SMIM23: variants seen among roughly 807,000 people sequenced by gnomAD.
SMIM23 encodes small integral membrane protein 23, also known as CTB-78H18.1.
SMIM23 carries 10 observed loss-of-function variants against 12.8 expected under a neutral mutation model. The observed-to-expected ratio is 0.78, with a 90% CI of 0.48 to 1.32. The LOEUF is 1.32. Ranked by LOEUF, SMIM23 falls within the 40% of genes most tolerant of loss-of-function variation. The probability of loss-of-function intolerance (pLI) is 0.00; values close to 1 mark genes in which losing one functional copy is unlikely to be tolerated. For missense variants in SMIM23, 184 were observed against 198.2 expected, an observed-to-expected ratio of 0.93 and a Z score of 0.43; for synonymous variants, 78 against 80.1, an observed-to-expected ratio of 0.97 and a Z score of 0.14.
chr5:171,778,990 C>T (rs1265016802), upstream of SMIM23, among the ~76,000 whole-genome samples: 8 of 152,286 alleles, frequency 5.3e-5, no homozygotes, highest in South Asian at 1.2e-3. Flanking sequence ...TTTAGTTAGC[C>T]ATAGGGGCTT....
chr5:171,786,400 A>C (rs372876335), intron 1 of SMIM23, among the ~76,000 whole-genome samples: 2 of 152,190 alleles, frequency 1.3e-5, no homozygotes, highest in East Asian at 3.8e-4. Flanking sequence ...CTTGCTGCAC[A>C]CAGCCTGGTG....
At chr5:171,790,341 T>C in intron 2 of SMIM23, 60 bp downstream of exon 2, 1 of 1,525,334 alleles carries the variant, frequency 6.6e-7, no homozygotes, top group Non-Finnish European at 8.8e-7. Context: ...TGGTGGAGTG[T>C]TCCAAAGATG....
At chr5:171,789,784 A>AGGAG (rs1411595889) in intron 1 of SMIM23, among the ~76,000 whole-genome samples, 2 of 152,240 alleles carry the variant, frequency 1.3e-5, no homozygotes, top group African/African-American at 2.4e-5. Context: ...CAGGCAGGGC[A>AGGAG]GGAGTGAGGA....
chr5:171,777,553 T>C (rs1755662371), upstream of SMIM23, among the ~76,000 whole-genome samples: 1 of 152,204 alleles, frequency 6.6e-6, no homozygotes, highest in South Asian at 2.1e-4. Context: ...CAGCCTCTGC[T>C]TGCCACAGTG....
the SMIM23 span, among the ~76,000 whole-genome samples, chr5:171,776,246 T>A: frequency 7.7e-6 from 1 of 130,696 alleles, no homozygotes; most frequent in African/African-American, 2.8e-5. Flanking sequence ...CAGCCCACGG[T>A]CTCACAGTGA....
chr5:171,773,897 G>A, the SMIM23 span: 1 of 454,126 alleles, frequency 2.2e-6, no homozygotes, highest in South Asian at 1.6e-5. Flanking sequence ...GATGGATAAA[G>A]AGACATCCCT....
chr5:171,778,134 C>T (rs1045915937), upstream of SMIM23, among the ~76,000 whole-genome samples: 7 of 152,100 alleles, frequency 4.6e-5, no homozygotes, highest in African/African-American at 7.2e-5. Flanking sequence ...CCGAGGCGGG[C>T]GGATCACCCA....
At chr5:171,782,614 C>T (rs1379475800), upstream of SMIM23, 1 of 152,204 alleles carries the variant, frequency 6.6e-6, no homozygotes, top group Non-Finnish European at 1.5e-5. Flanking sequence ...TTCTTCAAAA[C>T]GTAAAAATCA....
upstream of SMIM23, among the ~76,000 whole-genome samples, chr5:171,782,145 A>G (rs1459841324): frequency 1.3e-5 from 2 of 152,230 alleles, no homozygotes; most frequent in Non-Finnish European, 2.9e-5. Context: ...AAGAGCTGTA[A>G]CACTCACCGT....
intron 2 of SMIM23, 58 bp from the exon 3 acceptor site, chr5:171,790,424 T>C (rs1471366178): frequency 3.1e-5 from 48 of 1,525,038 alleles, no homozygotes; most frequent in Non-Finnish European, 3.6e-5. Context: ...TAACTAACCA[T>C]GTTTATTTCA....
chr5:171,782,601 G>A (rs376524694), upstream of SMIM23: 9 of 152,118 alleles, frequency 5.9e-5, no homozygotes, highest in East Asian at 1.9e-4. Context: ...CCCGGACCTC[G>A]GCTTCTTCAA....
At chr5:171,782,645 C>T (rs1052877803), upstream of SMIM23, 1 of 152,194 alleles carries the variant, frequency 6.6e-6, no homozygotes, top group Non-Finnish European at 1.5e-5. Context: ...TTTACTCATT[C>T]GGCAAATATT....
intron 1 of SMIM23, among the ~76,000 whole-genome samples, chr5:171,788,667 T>G (rs944280380): frequency 1.9e-4 from 29 of 152,264 alleles, no homozygotes; most frequent in Admixed American, 7.8e-4. Flanking sequence ...GAAGAAATAG[T>G]CTTAATAACT....
At position 171,790,220 on chromosome 5, in the gene SMIM23, T is replaced by C. The variant is rs1755896248; in HGVS notation, c.106-10T>C. 1.3e-6 allele frequency: 2 copies of C among 1,536,026 alleles called. No homozygotes were observed. On this transcript the variant is annotated splice_polypyrimidine_tract_variant and intron_variant, in intron 1 of 3. Coordinates refer to ENST00000523047, the MANE Select transcript of SMIM23 (RefSeq NM_001289970.2). ...ATGTTCTTCCTCCTCTTCCTCTTCT[T>C]GCACCCTAGACGCTGTTGGCATTGC...
intron 1 of SMIM23, among the ~76,000 whole-genome samples, chr5:171,787,355 AG>A (rs1338174023): frequency 6.6e-6 from 1 of 152,154 alleles, no homozygotes; most frequent in Non-Finnish European, 1.5e-5. Context: ...TCCATTTTAC[AG>A]ATGAAGAAAC....
the SMIM23 span, among the ~76,000 whole-genome samples, chr5:171,777,108 T>C: frequency 6.6e-6 from 1 of 152,150 alleles, no homozygotes; most frequent in East Asian, 1.9e-4. Flanking sequence ...TGGACATATT[T>C]TTCATTTTTC....
chr5:171,790,768 G>C (rs2113655013), intron 3 of SMIM23, 27 bp from the exon 4 acceptor site: 2 of 1,535,854 alleles, frequency 1.3e-6, no homozygotes, highest in East Asian at 2.4e-5. Context: ...GAAAGCACAG[G>C]ATGCCACTTC....
At chr5:171,787,790 A>G (rs763257188) in intron 1 of SMIM23, among the ~76,000 whole-genome samples, 3 of 152,200 alleles carry the variant, frequency 2.0e-5, no homozygotes, top group Non-Finnish European at 4.4e-5. Flanking sequence ...CCTTCATAGC[A>G]GTGATTCTGA....
At chr5:171,789,638 G>A (rs1174090194) in intron 1 of SMIM23, among the ~76,000 whole-genome samples, 2 of 152,116 alleles carry the variant, frequency 1.3e-5, no homozygotes, top group African/African-American at 4.8e-5. Context: ...CAAAAAAATA[G>A]AGGCATTTCG....
Sources: allele counts gnomAD v4.1 joint callset (sites outside exome capture counted in the v4.1 genomes callset), GRCh38; gene constraint gnomAD v4.1.1; transcripts MANE v1.5; gene names NCBI Gene and HGNC (gene_info 2026-07-23, HGNC 2026-07-21).